Variants in BICD1 observed in about 807,000 individuals in gnomAD.
The protein encoded by BICD1 is protein bicaudal D homolog 1.
BICD1 carries 35 observed loss-of-function variants against 92.5 expected under a neutral mutation model. The ratio of observed to expected loss-of-function variants is 0.38; its 90% CI spans 0.29 to 0.50. The LOEUF is 0.50. Ranked by LOEUF, BICD1 falls within the 20% of genes least tolerant of loss-of-function variation. BICD1 has a pLI of 0.93. For missense variants in BICD1, 950 were observed against 1,189.8 expected, an observed-to-expected ratio of 0.80 and a Z score of 2.97; for synonymous variants, 429 against 465.1, an observed-to-expected ratio of 0.92 and a Z score of 1.00.
chr12:32,325,853 T>C (rs180854765), intron 4 of BICD1, among the ~76,000 whole-genome samples: 143 of 151,698 alleles, frequency 9.4e-4, no homozygotes, highest in Non-Finnish European at 1.7e-3. Context: ...GAGGCCGAGG[T>C]GGGCGGATCA....
chr12:32,337,161 C>A lies in BICD1; in HGVS notation c.2253-338C>A, dbSNP rs751008589. 6.6e-6 allele frequency among the ~76,000 whole-genome samples: 1 copy of A among 152,096 alleles called. No individual in the cohort carries two copies. On this transcript the variant is annotated intron_variant, in intron 6 of 9. Coordinates refer to ENST00000652176, the MANE Select transcript of BICD1 (RefSeq NM_001714.4). The surrounding 1 kb of genome is among the most constrained non-coding windows in gnomAD (Gnocchi z 4.7). ...ACTCGGCAGGCTGAGGCATGAGAAT[C>A]GCTTGAACCTGGGAGGCAGAGGTTA...
At chr12:32,335,140 G>T (rs2136276228) in intron 6 of BICD1, among the ~76,000 whole-genome samples, 1 of 148,950 alleles carries the variant, frequency 6.7e-6, no homozygotes, top group East Asian at 2.1e-4. Flanking sequence ...CATCACATCA[G>T]CTAATTACTT....
chr12:32,130,486 C>G (rs751443520), intron 1 of BICD1, among the ~76,000 whole-genome samples: 1 of 152,088 alleles, frequency 6.6e-6, no homozygotes, highest in Non-Finnish European at 1.5e-5. Flanking sequence ...CCACCACGCC[C>G]GGCCCCAAAA....
rs183920954 is a variant in BICD1, at chr12:32,144,505, C to A, written c.213+36961C>A. ...CAAATGTCAAAGATTATGGTTTAAACCAGCAAAATATGTCTTCTTAGATAT... is the reference window on the plus strand; with the variant it reads ...CAAATGTCAAAGATTATGGTTTAAAACAGCAAAATATGTCTTCTTAGATAT... On this transcript the variant is annotated intron_variant, in intron 1 of 9. Coordinates refer to ENST00000652176, the MANE Select transcript of BICD1 (RefSeq NM_001714.4). Among the ~76,000 whole-genome samples, 58 of 152,258 alleles carry A rather than the reference C, an allele frequency of 3.8e-4. 1 individual carries two copies. The highest frequency in any genetic ancestry group is 1.2e-3 in the African/African-American group (50 of 41,564).
At chr12:32,177,334 A>G (rs1208165695) in intron 1 of BICD1, among the ~76,000 whole-genome samples, 1 of 151,678 alleles carries the variant, frequency 6.6e-6, no homozygotes, top group Non-Finnish European at 1.5e-5. Flanking sequence ...AAAGAATGAC[A>G]GTTTCTAAAA....
chr12:32,282,478 G>T (rs978649178), intron 2 of BICD1, among the ~76,000 whole-genome samples: 3 of 152,050 alleles, frequency 2.0e-5, no homozygotes, highest in African/African-American at 7.2e-5. Context: ...CCAGGGAGGG[G>T]AGCAAAGTGG....
At chr12:32,142,351 A>C (rs1441137045) in intron 1 of BICD1, among the ~76,000 whole-genome samples, 1 of 137,696 alleles carries the variant, frequency 7.3e-6, no homozygotes, top group Admixed American at 7.9e-5. Flanking sequence ...GGTTGCAGTG[A>C]GCTGAGATCG....
intron 1 of BICD1, among the ~76,000 whole-genome samples, chr12:32,184,733 T>A (rs1235554659): frequency 6.6e-6 from 1 of 152,218 alleles, no homozygotes; most frequent in African/African-American, 2.4e-5. Flanking sequence ...GAATTACAAC[T>A]AAGTCATCTT....
At chr12:32,127,329 G>A (rs1038057643) in intron 1 of BICD1, among the ~76,000 whole-genome samples, 8 of 152,040 alleles carry the variant, frequency 5.3e-5, no homozygotes, top group Non-Finnish European at 8.8e-5. Flanking sequence ...TTTGTGTTTG[G>A]TGTGAGGTAG....
chr12:32,319,790 GTC>G (rs917796435), intron 4 of BICD1, among the ~76,000 whole-genome samples: 24 of 152,164 alleles, frequency 1.6e-4, no homozygotes, highest in African/African-American at 5.5e-4. Flanking sequence ...GTTCAGGCTG[GTC>G]TCAAACTCCT....
chr12:32,186,336 G>T (rs1432137308), intron 1 of BICD1, among the ~76,000 whole-genome samples: 2 of 152,156 alleles, frequency 1.3e-5, no homozygotes, highest in African/African-American at 4.8e-5. Flanking sequence ...TATGAGTGAA[G>T]AACTGATTTT....
chr12:32,254,898 A>G lies in BICD1; in HGVS notation c.426+38439A>G, dbSNP rs547355228. ...GCATTTTTTCTCCCAAAGCAGAAGC[A>G]TTAAGTAAGATGCATTCAGTGTTTT... On this transcript the variant is annotated intron_variant, in intron 2 of 9. Coordinates refer to ENST00000652176, the MANE Select transcript of BICD1 (RefSeq NM_001714.4). Among the ~76,000 whole-genome samples, 4 of 152,294 alleles carry G rather than the reference A, an allele frequency of 2.6e-5. No homozygotes were observed. The South Asian group carries it at 8.3e-4, about 32-fold the overall frequency.
At chr12:32,243,314 A>G (rs538588358) in intron 2 of BICD1, among the ~76,000 whole-genome samples, 1 of 115,464 alleles carries the variant, frequency 8.7e-6, no homozygotes, top group South Asian at 2.8e-4. Flanking sequence ...GGGTTTTGCC[A>G]TGTTGCCCAG....
At chr12:32,197,168 C>G (rs1382065249) in intron 1 of BICD1, among the ~76,000 whole-genome samples, 1 of 152,042 alleles carries the variant, frequency 6.6e-6, no homozygotes, top group Non-Finnish European at 1.5e-5. Context: ...TTCACCATGC[C>G]CAACTGATTT....
At chr12:32,176,175 A>G in intron 1 of BICD1, among the ~76,000 whole-genome samples, 1 of 152,162 alleles carries the variant, frequency 6.6e-6, no homozygotes, top group Non-Finnish European at 1.5e-5. Flanking sequence ...TATTATGAGT[A>G]ATGCTCCAGT....
chr12:32,154,117 C>G (rs1943367899), intron 1 of BICD1, among the ~76,000 whole-genome samples: 1 of 152,070 alleles, frequency 6.6e-6, no homozygotes, highest in Non-Finnish European at 1.5e-5. Flanking sequence ...AAAAAACAGA[C>G]AAAAGACTCA....
At chr12:32,129,789 A>G (rs1434014510) in intron 1 of BICD1, among the ~76,000 whole-genome samples, 1 of 152,106 alleles carries the variant, frequency 6.6e-6, no homozygotes, top group Non-Finnish European at 1.5e-5. Context: ...TTGCAATACC[A>G]AGGACTTAAT....
At chr12:32,332,059 A>T (rs967993825) in intron 5 of BICD1, among the ~76,000 whole-genome samples, 1 of 152,226 alleles carries the variant, frequency 6.6e-6, no homozygotes, top group East Asian at 1.9e-4. Flanking sequence ...GAATGAGATC[A>T]TGTCATTTAC....
At chr12:32,278,636 G>A (rs974264741) in intron 2 of BICD1, among the ~76,000 whole-genome samples, 46 of 152,224 alleles carry the variant, frequency 3.0e-4, no homozygotes, top group Admixed American at 2.5e-3. Flanking sequence ...GGCGGATCAC[G>A]AGGTCAGGAG....
Sources: allele counts gnomAD v4.1 joint callset (sites outside exome capture counted in the v4.1 genomes callset), GRCh38; gene constraint gnomAD v4.1.1; non-coding constraint Gnocchi (gnomAD v3.1); transcripts MANE v1.5; gene names NCBI Gene and HGNC (gene_info 2026-07-23, HGNC 2026-07-21).